Variants in FHIT observed in about 807,000 individuals in gnomAD.
FHIT encodes the protein fragile histidine triad diadenosine triphosphatase.
In FHIT, 19 loss-of-function variants were observed where a neutral mutation model predicts 17.9. The ratio of observed to expected loss-of-function variants is 1.06; its 90% CI spans 0.74 to 1.56. The LOEUF is 1.56. FHIT is among the 40% of genes most tolerant of loss of function. The pLI is 0.00. For missense variants in FHIT, 248 were observed against 189.2 expected, an observed-to-expected ratio of 1.31 and a Z score of -1.82; for synonymous variants, 81 against 69.7, an observed-to-expected ratio of 1.16 and a Z score of -0.81.
At chr3:60,896,902 C>T (rs1476356825) in intron 3 of FHIT, among the ~76,000 whole-genome samples, 1 of 152,134 alleles carries the variant, frequency 6.6e-6, no homozygotes, top group Non-Finnish European at 1.5e-5. Context: ...GTCTTCCTTC[C>T]CTAACTCTTC....
chr3:60,120,200 G>T (rs1167342606), intron 5 of FHIT, among the ~76,000 whole-genome samples: 2 of 152,108 alleles, frequency 1.3e-5, no homozygotes, highest in Non-Finnish European at 2.9e-5. Flanking sequence ...CCTGATGTAT[G>T]CCTGTCTGTC....
chr3:60,986,882 T>A (rs1343413780), intron 3 of FHIT, among the ~76,000 whole-genome samples: 1 of 152,172 alleles, frequency 6.6e-6, no homozygotes, highest in East Asian at 1.9e-4. Flanking sequence ...TTAAAAAATA[T>A]CTCCCATAGT....
chr3:60,001,159 C>T (rs1173973274), intron 7 of FHIT, among the ~76,000 whole-genome samples: 1 of 152,182 alleles, frequency 6.6e-6, no homozygotes, highest in Non-Finnish European at 1.5e-5. Flanking sequence ...TATTTGTTCC[C>T]TTTCACATAA....
At chr3:60,273,224 G>C (rs1220198167) in intron 5 of FHIT, among the ~76,000 whole-genome samples, 1 of 152,130 alleles carries the variant, frequency 6.6e-6, no homozygotes, top group Non-Finnish European at 1.5e-5. Context: ...TAAGCATAGG[G>C]TAAAATAAAA....
chr3:60,719,574 A>C (rs1275661647), intron 4 of FHIT, among the ~76,000 whole-genome samples: 1 of 152,176 alleles, frequency 6.6e-6, no homozygotes, highest in Non-Finnish European at 1.5e-5. Context: ...CTAGATTATC[A>C]AAGTATGGTC....
chr3:61,052,167 T>C (rs1345713874), intron 2 of FHIT, among the ~76,000 whole-genome samples: 1 of 152,200 alleles, frequency 6.6e-6, no homozygotes, highest in Non-Finnish European at 1.5e-5. Context: ...AAACATTTAT[T>C]AAATTTTATT....
intron 3 of FHIT, among the ~76,000 whole-genome samples, chr3:61,036,903 T>TTTTTTTTTG (rs1559928956): frequency 6.7e-5 from 5 of 74,474 alleles, no homozygotes; most frequent in African/African-American, 1.6e-4. Flanking sequence ...TCTGCTTTGT[T>TTTTTTTTTG]TTTTTTTTTT....
intron 4 of FHIT, among the ~76,000 whole-genome samples, chr3:60,675,702 T>C (rs1280262763): frequency 6.6e-6 from 1 of 152,200 alleles, no homozygotes; most frequent in Admixed American, 6.6e-5. Context: ...GACCTCAGCC[T>C]ACCAACAGCA....
intron 3 of FHIT, among the ~76,000 whole-genome samples, chr3:60,890,970 G>A (rs1433051413): frequency 2.6e-5 from 4 of 152,190 alleles, no homozygotes; most frequent in African/African-American, 9.7e-5. Context: ...ACTGTCATGG[G>A]CATTCGTCAA....
At chr3:60,667,513 T>G (rs1315049813) in intron 4 of FHIT, among the ~76,000 whole-genome samples, 2 of 152,198 alleles carry the variant, frequency 1.3e-5, no homozygotes. Flanking sequence ...TTTTAAAAAA[T>G]TGTATCAAAA....
chr3:60,504,428 C>T (rs1348468021), intron 5 of FHIT, among the ~76,000 whole-genome samples: 3 of 107,698 alleles, frequency 2.8e-5, no homozygotes, highest in African/African-American at 3.8e-5. Context: ...GAGACCCCGT[C>T]TCAAAAAAAA....
intron 5 of FHIT, among the ~76,000 whole-genome samples, chr3:60,082,711 T>A (rs1324683100): frequency 6.6e-6 from 1 of 152,176 alleles, no homozygotes; most frequent in Non-Finnish European, 1.5e-5. Context: ...TGGATTTGTA[T>A]TTCTCTGATG....
chr3:59,902,588 A>G (rs1168714559), intron 8 of FHIT, among the ~76,000 whole-genome samples: 2 of 152,182 alleles, frequency 1.3e-5, no homozygotes, highest in African/African-American at 4.8e-5. Context: ...GTATATATCA[A>G]TAATGGAATA....
chr3:59,776,076 A>G (rs573824630), intron 8 of FHIT, among the ~76,000 whole-genome samples: 11 of 152,296 alleles, frequency 7.2e-5, no homozygotes, highest in Admixed American at 2.0e-4. Flanking sequence ...CCAGCTCCTT[A>G]CATGTGTCCA....
intron 5 of FHIT, among the ~76,000 whole-genome samples, chr3:60,236,252 C>G (rs114960774): frequency 1.3e-5 from 2 of 149,902 alleles, no homozygotes; most frequent in Non-Finnish European, 3.0e-5. Context: ...AAGTAATTTA[C>G]TTTCTATGTG....
At chr3:59,865,412 AAGCCTT>A (rs1207289936) in intron 8 of FHIT, among the ~76,000 whole-genome samples, 1 of 152,254 alleles carries the variant, frequency 6.6e-6, no homozygotes, top group African/African-American at 2.4e-5. Context: ...ATTTTAACGT[AAGCCTT>A]GTCAGTGTTA....
intron 3 of FHIT, among the ~76,000 whole-genome samples, chr3:61,031,234 A>G (rs1233891893): frequency 1.3e-5 from 2 of 152,234 alleles, no homozygotes; most frequent in Admixed American, 6.5e-5. Context: ...AAGCTTGTTA[A>G]TGATACACAA....
intron 8 of FHIT, among the ~76,000 whole-genome samples, chr3:59,899,031 C>A (rs1704203027): frequency 6.6e-6 from 1 of 152,188 alleles, no homozygotes; most frequent in Non-Finnish European, 1.5e-5. Flanking sequence ...CCATCAGAGT[C>A]CTCACTGCCA....
At chr3:60,868,072 G>A (rs1203512310) in intron 3 of FHIT, among the ~76,000 whole-genome samples, 1 of 152,068 alleles carries the variant, frequency 6.6e-6, no homozygotes, top group Non-Finnish European at 1.5e-5. Context: ...GAATAGAATT[G>A]AAGGTTTTTA....
Sources: allele counts gnomAD v4.1 joint callset (sites outside exome capture counted in the v4.1 genomes callset), GRCh38; gene constraint gnomAD v4.1.1; transcripts MANE v1.5; gene names NCBI Gene and HGNC (gene_info 2026-07-23, HGNC 2026-07-21).